The following ANKRD36B variants were observed in gnomAD, a reference collection of about 807,000 sequenced individuals.
ANKRD36B encodes the protein ankyrin repeat domain 36B, also known as ankyrin repeat domain-containing protein 36B.
In ANKRD36B, 37 loss-of-function variants were observed where a neutral mutation model predicts 135.7. That is an observed-to-expected ratio of 0.27 (90% confidence interval 0.21 to 0.36). The LOEUF (loss-of-function observed/expected upper bound fraction) is 0.36. ANKRD36B is among the 10% of genes least tolerant of loss of function. The pLI, the probability that ANKRD36B is intolerant of heterozygous loss-of-function variation, is 1.00. For missense variants in ANKRD36B, 549 were observed against 1,037.1 expected, an observed-to-expected ratio of 0.53 and a Z score of 6.46; for synonymous variants, 179 against 348.1, an observed-to-expected ratio of 0.51 and a Z score of 5.41.
chr2:97,531,325 A>G lies in ANKRD36B; in HGVS notation c.2265+986T>C, dbSNP rs1401765174. Among the ~76,000 whole-genome samples, 2 of 78,548 alleles carry G rather than the reference A, an allele frequency of 2.5e-5. 1 individual carries two copies. The highest frequency in any genetic ancestry group is 6.6e-5 in the Non-Finnish European group (2 of 30,330). The allele number at this position is 78,548 out of a possible 152,430, so 51.5% of individuals were successfully genotyped here. A position where few individuals can be genotyped will look rare whatever the true frequency, so the allele number is the denominator to read the frequency against. ...GCAAGGACAAAAAACCAAACACTGC[A>G]TGCTCTCACTCATAGGTGGGAATTG... On this transcript the variant is annotated intron_variant, in intron 35 of 43. Transcript: ENST00000359901.
rs1484056375 is a variant in ANKRD36B at position 97,537,969 on chromosome 2, G to C, written c.2089+199C>G. 6.3e-5 allele frequency among the ~76,000 whole-genome samples: 6 copies of C among 95,704 alleles called. 3 individuals carry two copies. Among genetic ancestry groups the C allele is most frequent in the Non-Finnish European group, 1.7e-4 (6 of 36,166 alleles). 62.8% of individuals were successfully genotyped at this position (95,704 alleles called of 152,430 possible). On this transcript the variant is annotated intron_variant, in intron 32 of 43. Transcript: ENST00000359901. ...TTCTACACAATTTCAATGTAGGGAAGTCTATAAGCTTGTTACTAAGATCAT... is the reference window on the plus strand; with the variant it reads ...TTCTACACAATTTCAATGTAGGGAACTCTATAAGCTTGTTACTAAGATCAT...
chr2:97,563,597 T>C (rs1158488424), intron 6 of ANKRD36B, among the ~76,000 whole-genome samples: 1 of 152,006 alleles, frequency 6.6e-6, no homozygotes, highest in African/African-American at 2.4e-5. Context: ...GAGTTTAACA[T>C]TCATGAAGGG....
At position 97,526,388 on chromosome 2, in the gene ANKRD36B, C is replaced by T. The variant is rs1259034865; in HGVS notation, c.2266-2921G>A. Among the ~76,000 whole-genome samples the T allele has an allele frequency of 6.2e-5, 6 of 96,966 alleles. 3 individuals carry two copies. In the East Asian group the frequency reaches 1.4e-3, roughly 22 times the overall value. The allele number at this position is 96,966 out of a possible 152,430, so 63.6% of individuals were successfully genotyped here. A position where few individuals can be genotyped will look rare whatever the true frequency, so the allele number is the denominator to read the frequency against. ...CTAACAAACAGAAAGGACATCCACA[C>T]CAAAAACCCATCTGTACATCACCAT... On this transcript the variant is annotated intron_variant, in intron 35 of 43. Transcript: ENST00000359901.
At chr2:97,584,251 C>G (rs1359711900) in intron 3 of ANKRD36B, among the ~76,000 whole-genome samples, 2 of 112,664 alleles carry the variant, frequency 1.8e-5, no homozygotes, top group African/African-American at 8.2e-5. Flanking sequence ...AAAATTGATC[C>G]CTGGGCAATT....
At position 97,526,731 on chromosome 2, in the gene ANKRD36B, G is replaced by A. The variant is rs1452734793; in HGVS notation, c.2266-3264C>T. Reference sequence around the variant, plus strand: ...TAAAGGAGCTGATGGAGCTGAAAGCGGAGGCTCGAGAACTACGTGAAGAAT... The same window carrying A: ...TAAAGGAGCTGATGGAGCTGAAAGCAGAGGCTCGAGAACTACGTGAAGAAT... On this transcript the variant is annotated intron_variant, in intron 35 of 43. Coordinates refer to ENST00000359901, the MANE Select transcript of ANKRD36B (RefSeq NM_001393939.1). 4.2e-4 allele frequency among the ~76,000 whole-genome samples: 41 copies of A among 97,190 alleles called. 16 individuals are homozygous for A. Among genetic ancestry groups the A allele is most frequent in the Middle Eastern group, 0.01 (2 of 196 alleles). 63.8% of individuals were successfully genotyped at this position (97,190 alleles called of 152,430 possible).
chr2:97,538,174 C>T lies in ANKRD36B; in HGVS notation c.2083G>A (p.Gly695Arg), dbSNP rs1306001195. The part of the protein sequence containing the change: ...ATRITGGGKS[G>R]TEYPENLRTL... The stretch of plus-strand genomic sequence containing the variant: ...ATGTATATTGCCAAATTACCTGTTC[C>T]AGATTTCCCACCGCCCGTTATTCTT... Residue 695 changes from glycine to arginine, a missense_variant, in exon 32 of 44, where the codon GGA (glycine) becomes AGA (arginine). Coordinates refer to ENST00000359901, the MANE Select transcript of ANKRD36B (RefSeq NM_001393939.1). 1.4e-5 allele frequency: 18 copies of T among 1,246,776 alleles called. 2 individuals are homozygous for T. In the African/African-American group the frequency reaches 2.5e-4, roughly 17 times the overall value. 77.2% of individuals were successfully genotyped at this position (1,246,776 alleles called of 1,614,324 possible). A position where few individuals can be genotyped will look rare whatever the true frequency, so the allele number is the denominator to read the frequency against.
At chr2:97,569,005 A>G (rs1434523091) in intron 6 of ANKRD36B, among the ~76,000 whole-genome samples, 2 of 152,170 alleles carry the variant, frequency 1.3e-5, no homozygotes, top group Admixed American at 1.3e-4. Flanking sequence ...TTCCAACTGC[A>G]AGGTAAATAG....
At chr2:97,573,687 G>A (rs1161420648) in intron 6 of ANKRD36B, among the ~76,000 whole-genome samples, 2 of 152,122 alleles carry the variant, frequency 1.3e-5, no homozygotes, top group African/African-American at 2.4e-5. Flanking sequence ...GTACCGAAAT[G>A]GAGATATAGA....
In ANKRD36B at chr2:97,549,441, CT is replaced by C. The variant is rs1456296132; in HGVS notation, c.1454del (p.Lys485ArgfsTer17). 4.4e-6 allele frequency: 7 copies of C among 1,577,512 alleles called. No individual in the cohort carries two copies. The highest frequency in any genetic ancestry group is 3.4e-5 in the South Asian group (3 of 87,446). On this transcript the variant is annotated frameshift_variant, in exon 20 of 44. Transcript: ENST00000359901. LOFTEE classifies it high-confidence loss of function. Reference sequence around the variant, plus strand: ...TACCTGTCCTAGATTTTTCTCCATCCTTTTTTTCTCTGGCTATATTCAAAAC... The same window carrying C: ...TACCTGTCCTAGATTTTTCTCCATCCTTTTTTCTCTGGCTATATTCAAAAC... The part of the protein sequence containing the change: ...DSVLNIAREK[K>X]DGEKSRTVSF...
chr2:97,526,154 C>T (rs181511293), intron 35 of ANKRD36B, among the ~76,000 whole-genome samples: 1,807 of 66,080 alleles, frequency 0.027, 542 homozygotes, highest in African/African-American at 0.14. Context: ...GAGGCACCCC[C>T]CAGTAGGGGC....
rs1477713956 is a variant in ANKRD36B, at chr2:97,551,555, G to T, written c.1274-75C>A. ...TTATCCATACATTCATGCAGTGTTT[G>T]TATCAACCTCTGTCCTCCTGCCTGT... On this transcript the variant is annotated intron_variant, in intron 16 of 43. Coordinates refer to ENST00000359901, the MANE Select transcript of ANKRD36B (RefSeq NM_001393939.1). 6 of 1,596,424 alleles carry T rather than the reference G, an allele frequency of 3.8e-6. No individual in the cohort carries two copies. The African/African-American group carries it at 5.4e-5, about 14-fold the overall frequency.
intron 6 of ANKRD36B, among the ~76,000 whole-genome samples, chr2:97,572,793 T>C (rs2081967741): frequency 6.6e-6 from 1 of 151,588 alleles, no homozygotes; most frequent in African/African-American, 2.4e-5. Context: ...GAAAAGGGAA[T>C]TGCACTAAAA....
rs552716175 is a variant in ANKRD36B at position 97,558,901 on chromosome 2, T to C, written c.895-30A>G. 18 of 1,609,348 alleles carry C rather than the reference T, an allele frequency of 1.1e-5. No individual in the cohort carries two copies. The East Asian group carries it at 2.5e-4, about 22-fold the overall frequency. ...ATGGGATTTGAAACAAAATAATCAA[T>C]ATGTAAAGTAGGTTTCATAGACTAT... On this transcript the variant is annotated intron_variant, in intron 9 of 43. Transcript: ENST00000359901.
intron 10 of ANKRD36B, 32 bp from the exon 11 acceptor site, chr2:97,557,164 T>C (rs1178958734): frequency 2.0e-6 from 3 of 1,504,874 alleles, no homozygotes; most frequent in South Asian, 2.5e-5. Context: ...TAATTCATCA[T>C]ATGTAAATAT....
At chr2:97,584,741 T>C (rs1363173405) in intron 3 of ANKRD36B, among the ~76,000 whole-genome samples, 1 of 136,988 alleles carries the variant, frequency 7.3e-6, no homozygotes, top group Non-Finnish European at 1.5e-5. Flanking sequence ...TTACCATAAG[T>C]GCATGAAAAA....
intron 6 of ANKRD36B, among the ~76,000 whole-genome samples, chr2:97,566,636 G>C (rs2309177): frequency 5.3e-5 from 8 of 152,042 alleles, no homozygotes; most frequent in East Asian, 1.9e-4. Context: ...AATTATATCA[G>C]ACTGACAGAA....
At chr2:97,529,514 C>T (rs2078440048) in intron 35 of ANKRD36B, among the ~76,000 whole-genome samples, 1 of 94,298 alleles carries the variant, frequency 1.1e-5, no homozygotes, top group African/African-American at 3.2e-5. Context: ...TGCCCTCTCT[C>T]ACCACTCCTA....
chr2:97,555,921 T>C (rs1576981473), intron 12 of ANKRD36B, among the ~76,000 whole-genome samples: 1 of 151,892 alleles, frequency 6.6e-6, no homozygotes, highest in Non-Finnish European at 1.5e-5. Context: ...GAAGGTATAA[T>C]ATATAAACCT....
intron 11 of ANKRD36B, 24 bp from the exon 12 acceptor site, chr2:97,557,033 A>G (rs1227048234): frequency 6.5e-7 from 1 of 1,549,340 alleles, no homozygotes; most frequent in East Asian, 2.4e-5. Context: ...GAAACAAAAT[A>G]GTCAATACAT....
Sources: allele counts gnomAD v4.1 joint callset (sites outside exome capture counted in the v4.1 genomes callset), GRCh38; gene constraint gnomAD v4.1.1; transcripts MANE v1.5; gene names NCBI Gene and HGNC (gene_info 2026-07-23, HGNC 2026-07-21).